Variants in WASHC5 observed in about 807,000 individuals in gnomAD.
WASHC5 encodes the protein WASH complex subunit 5.
In WASHC5, 101 loss-of-function variants were observed where a neutral mutation model predicts 150.4. The observed-to-expected ratio is 0.67, with a 90% CI of 0.57 to 0.79. The LOEUF is 0.79. Ranked by LOEUF, WASHC5 falls within the 30% of genes least tolerant of loss-of-function variation. The pLI, the probability that WASHC5 is intolerant of heterozygous loss-of-function variation, is 0.00. For synonymous variants in WASHC5, 467 were observed against 491.2 expected, an observed-to-expected ratio of 0.95 and a Z score of 0.65; for missense variants, 1,195 against 1,396.3, an observed-to-expected ratio of 0.86 and a Z score of 2.30.
chr8:125,042,715 G>C (rs113189534), intron 23 of WASHC5, among the ~76,000 whole-genome samples: 1 of 152,144 alleles, frequency 6.6e-6, no homozygotes, highest in African/African-American at 2.4e-5. Flanking sequence ...CCTCCTAAAG[G>C]GTTTTCCAGC....
rs1816418862 is a variant in WASHC5, at chr8:125,056,769, T to C, written c.1924A>G (p.Ile642Val). The change falls in exon 16 of 29, where the codon ATA (isoleucine) becomes GTA (valine). Residue 642 changes from isoleucine to valine, a missense_variant. By Grantham distance (29) the Ile-to-Val change is conservative. Coordinates refer to ENST00000318410, the MANE Select transcript of WASHC5 (RefSeq NM_014846.4). ...ESMFTSLLKI[I>V]KLQTHDIIEV... ...ATAATGTCGTGGGTCTGAAGCTTTA[T>C]GATCTTTAGAAGAGATGTAAACATG... The C allele has an allele frequency of 3.7e-6, 6 of 1,614,184 alleles. No homozygotes were observed. Among genetic ancestry groups the C allele is most frequent in the African/African-American group, 1.3e-5 (1 of 75,054 alleles).
At chr8:125,045,297 T>A (rs1445513352) in intron 20 of WASHC5, among the ~76,000 whole-genome samples, 1 of 152,236 alleles carries the variant, frequency 6.6e-6, no homozygotes, top group African/African-American at 2.4e-5. Flanking sequence ...GCACTTATTG[T>A]GCACCAGGTG....
intron 9 of WASHC5, 116 bp downstream of exon 9, chr8:125,073,037 T>C: frequency 1.8e-6 from 2 of 1,120,862 alleles, no homozygotes; most frequent in Non-Finnish European, 2.7e-6. Flanking sequence ...AAAAAGCAAC[T>C]TGATTCTCAT....
In WASHC5 at chr8:125,050,680, A is replaced by C. The variant is rs776843035; in HGVS notation, c.2098-15T>G. ...TTTGGATCCACCTAAGTGCCAATCA[A>C]AAGTATTAAATGATAGTTACGAAAA... On this transcript the variant is annotated splice_polypyrimidine_tract_variant and intron_variant, in intron 17 of 28. Transcript: ENST00000318410. 6.3e-7 allele frequency: 1 copy of C among 1,598,598 alleles called. No homozygotes were observed. The highest frequency in any genetic ancestry group is 1.1e-5 in the South Asian group (1 of 90,712).
chr8:125,082,841 A>G (rs1817308356), intron 3 of WASHC5: 2 of 380,366 alleles, frequency 5.3e-6, no homozygotes, highest in South Asian at 8.0e-5. Context: ...CACATATAAT[A>G]CACTAGGATA....
Sources: allele counts gnomAD v4.1 joint callset (sites outside exome capture counted in the v4.1 genomes callset), GRCh38; gene constraint gnomAD v4.1.1; transcripts MANE v1.5; gene names NCBI Gene and HGNC (gene_info 2026-07-23, HGNC 2026-07-21).